Variants in PIEZO1 observed in about 807,000 individuals in gnomAD.
PIEZO1 encodes piezo-type mechanosensitive ion channel component 1.
In PIEZO1, 296 loss-of-function variants were observed where a neutral mutation model predicts 297.2. The ratio of observed to expected loss-of-function variants is 1.00; its 90% CI spans 0.91 to 1.10. PIEZO1 has a LOEUF of 1.10. Ranked by LOEUF, PIEZO1 falls within the 50% of genes least tolerant of loss-of-function variation. The probability of loss-of-function intolerance (pLI) is 0.00; values close to 1 mark genes in which losing one functional copy is unlikely to be tolerated. For synonymous variants in PIEZO1, 2,427 were observed against 1,507.5 expected, an observed-to-expected ratio of 1.61 and a Z score of -14.13; for missense variants, 5,018 against 3,455.5, an observed-to-expected ratio of 1.45 and a Z score of -11.34.
Position 88,715,535 on chromosome 16 carries a change from G to A in PIEZO1, c.*70C>T. ...GGGGCAGTGGCTCCCCCGGCCTGAG[G>A]AGTGCCGCCCCTTGTGGCCACGCTG... On this transcript the variant is annotated 3_prime_UTR_variant, in exon 51 of 51. Transcript: ENST00000301015. 3 of 1,449,974 alleles carry A rather than the reference G, an allele frequency of 2.1e-6. No individual in the cohort carries two copies. The highest frequency in any genetic ancestry group is 1.9e-6 in the Non-Finnish European group (2 of 1,073,288). The allele number at this position is 1,449,974 out of a possible 1,614,324, so 89.8% of individuals were successfully genotyped here. A position where few individuals can be genotyped will look rare whatever the true frequency, so the allele number is the denominator to read the frequency against.
chr16:88,721,666 C>G lies in PIEZO1; in HGVS notation c.5275G>C (p.Val1759Leu). 1 of 1,550,006 alleles carries G rather than the reference C, an allele frequency of 6.5e-7. No homozygotes were observed. The highest frequency in any genetic ancestry group is 8.7e-7 in the Non-Finnish European group (1 of 1,146,826). ...FGFFPWNSHV[V>L]LRRYENKPYF... ...GGCTTGTTCTCGTAGCGCCGCAGCA[C>G]CACGTGGCTGTTCCAGGGGAAGAAC... is the stretch of plus-strand genomic sequence containing the variant. Residue 1759 changes from valine to leucine, a missense_variant, in exon 38 of 51, where the codon GTG (valine) becomes CTG (leucine). By Grantham distance (32) the Val-to-Leu change is conservative. Transcript: ENST00000301015.
At chr16:88,732,931 G>A (rs1904964326) in intron 19 of PIEZO1, 199 bp from the exon 20 acceptor site, 4 of 602,296 alleles carry the variant, frequency 6.6e-6, no homozygotes, top group Non-Finnish European at 1.2e-5. Context: ...GCAGGGGCTG[G>A]GGGAGTGAAG....
intron 15 of PIEZO1, 50 bp downstream of exon 15, chr16:88,734,600 A>G: frequency 8.2e-7 from 1 of 1,225,182 alleles, no homozygotes; most frequent in Non-Finnish European, 1.2e-6. Flanking sequence ...GCCCCGGGGA[A>G]GTGCACGGGG....
chr16:88,772,336 G>C (rs1212207421), intron 1 of PIEZO1, among the ~76,000 whole-genome samples: 1 of 152,222 alleles, frequency 6.6e-6, no homozygotes, highest in Non-Finnish European at 1.5e-5. Context: ...GGCTCTTGTG[G>C]CTTAGCCACC....
rs963593374 is a variant in PIEZO1 at position 88,784,994 on chromosome 16, C to G, written c.-30G>C. 5 of 1,222,970 alleles carry G rather than the reference C, an allele frequency of 4.1e-6. No homozygotes were observed. The African/African-American group carries it at 7.9e-5, about 19-fold the overall frequency. The allele number at this position is 1,222,970 out of a possible 1,614,324, so 75.8% of individuals were successfully genotyped here. ...GGAGGGCCCAGGGCCCGGCCCAGACCGAGCGGACGCCGCGGCGCTATGGGG... is the reference window on the plus strand; with the variant it reads ...GGAGGGCCCAGGGCCCGGCCCAGACGGAGCGGACGCCGCGGCGCTATGGGG... On this transcript the variant is annotated 5_prime_UTR_variant, in exon 1 of 51. Coordinates refer to ENST00000301015, the MANE Select transcript of PIEZO1 (RefSeq NM_001142864.4).
intron 22 of PIEZO1, among the ~76,000 whole-genome samples, chr16:88,730,264 T>C (rs995219995): frequency 1.3e-5 from 2 of 152,100 alleles, no homozygotes; most frequent in Admixed American, 1.3e-4. Flanking sequence ...TGGGCCTGGG[T>C]AGCAGAAGAT....
Position 88,720,267 on chromosome 16 carries a change from G to C in PIEZO1, c.5966C>G (p.Thr1989Arg). 6.4e-7 allele frequency: 1 copy of C among 1,550,450 alleles called. No homozygotes were observed. The highest frequency in any genetic ancestry group is 8.7e-7 in the Non-Finnish European group (1 of 1,146,972). Residue 1989 changes from threonine (T) to arginine (R), a missense_variant, in exon 42 of 51, where the codon ACA becomes AGA. Transcript: ENST00000301015. Reference sequence around the variant, plus strand: ...GTCTGATAGGGAGGACGTGATGTCTGTGGCCGCCGAGTGCTTCTGTGGCCA... The same window carrying C: ...GTCTGATAGGGAGGACGTGATGTCTCTGGCCGCCGAGTGCTTCTGTGGCCA... ...FWAFGKHSAA[T>R]DITSSLSDDQ...
At chr16:88,747,863 A>AC (rs886462918) in intron 2 of PIEZO1, among the ~76,000 whole-genome samples, 2 of 151,954 alleles carry the variant, frequency 1.3e-5, no homozygotes, top group African/African-American at 4.8e-5. Flanking sequence ...TCCTGACCCC[A>AC]CCCCACCGGC....
At chr16:88,757,714 C>A (rs1409046064) in intron 1 of PIEZO1, among the ~76,000 whole-genome samples, 1 of 152,128 alleles carries the variant, frequency 6.6e-6, no homozygotes, top group African/African-American at 2.4e-5. Flanking sequence ...CGGGCCGGAG[C>A]TGGGCCAGCT....
intron 1 of PIEZO1, among the ~76,000 whole-genome samples, chr16:88,764,764 A>G (rs983222058): frequency 1.3e-5 from 2 of 151,272 alleles, no homozygotes; most frequent in Non-Finnish European, 3.0e-5. Flanking sequence ...AAAAAAAAAA[A>G]AAAGAAAGAA....
At chr16:88,741,967 T>C (rs976803476) in intron 4 of PIEZO1, 86 bp downstream of exon 4, 208 of 1,425,556 alleles carry the variant, frequency 1.5e-4, no homozygotes, top group Non-Finnish European at 1.9e-4. Context: ...CAGGTCCCCC[T>C]CTGTCCCTCC....
chr16:88,755,329 C>G (rs1463134095), intron 1 of PIEZO1, among the ~76,000 whole-genome samples: 1 of 152,212 alleles, frequency 6.6e-6, no homozygotes, highest in Non-Finnish European at 1.5e-5. Flanking sequence ...CTGGTTGATG[C>G]ATCATCTTCC....
chr16:88,736,791 C>CA lies in PIEZO1; in HGVS notation c.1196-53dup, dbSNP rs1479091605. ...CGGCAGGTTGATCTGCAGGCCTCCCCACCCTGACTATGCCCTAAAATCTGG... is the reference window on the plus strand; with the variant it reads ...CGGCAGGTTGATCTGCAGGCCTCCCCAACCCTGACTATGCCCTAAAATCTGG... On this transcript the variant is annotated intron_variant, in intron 10 of 50. Coordinates refer to ENST00000301015, the MANE Select transcript of PIEZO1 (RefSeq NM_001142864.4). 10 of 1,129,534 alleles carry CA rather than the reference C, an allele frequency of 8.9e-6. No individual in the cohort carries two copies. The East Asian group carries it at 2.6e-4, about 30-fold the overall frequency. 70.0% of individuals were successfully genotyped at this position (1,129,534 alleles called of 1,614,324 possible). A position where few individuals can be genotyped will look rare whatever the true frequency, so the allele number is the denominator to read the frequency against.
intron 1 of PIEZO1, among the ~76,000 whole-genome samples, chr16:88,752,891 T>C (rs1008811410): frequency 6.6e-6 from 1 of 150,666 alleles, no homozygotes; most frequent in African/African-American, 2.4e-5. Flanking sequence ...CATTCATCCA[T>C]TCATCCATTC....
rs937435008 is a variant in PIEZO1 at position 88,720,276 on chromosome 16, G to A, written c.5957C>T (p.Ser1986Leu). 2.3e-5 allele frequency: 36 copies of A among 1,550,330 alleles called. No homozygotes were observed. The highest frequency in any genetic ancestry group is 1.7e-4 in the Middle Eastern group (1 of 5,992). ...GGAGGACGTGATGTCTGTGGCCGCC[G>A]AGTGCTTCTGTGGCCAGGAGAGCAC... ...IFGFWAFGKH[S>L]AATDITSSLS... is the part of the protein sequence containing the mutation. The change falls in exon 42 of 51, where the codon TCG becomes TTG. Residue 1986 changes from serine (S) to leucine (L), a missense_variant. By Grantham distance (145) the Ser-to-Leu change is moderately radical. Transcript: ENST00000301015.
intron 1 of PIEZO1, among the ~76,000 whole-genome samples, chr16:88,750,262 G>A (rs1373065369): frequency 6.6e-6 from 1 of 151,834 alleles, no homozygotes; most frequent in Non-Finnish European, 1.5e-5. Flanking sequence ...CTTGAACCCG[G>A]GAGGTGGAGG....
rs1306448206 is a variant in PIEZO1, at chr16:88,785,137, C to G, written c.-173G>C. 5.9e-6 allele frequency: 2 copies of G among 340,448 alleles called. No individual in the cohort carries two copies. Among genetic ancestry groups the G allele is most frequent in the Admixed American group, 1.0e-4 (2 of 19,162 alleles). The allele number at this position is 340,448 out of a possible 1,614,324, so 21.1% of individuals were successfully genotyped here. Reference sequence around the variant, plus strand: ...CGCCGGTGCCGACGTCCCGGGCCCGCGCTCGCTCAGGCGACCGCCCTGCCC... The same window carrying G: ...CGCCGGTGCCGACGTCCCGGGCCCGGGCTCGCTCAGGCGACCGCCCTGCCC... On this transcript the variant is annotated 5_prime_UTR_variant, in exon 1 of 51. Transcript: ENST00000301015.
At chr16:88,741,205 A>G (rs983373341) in intron 5 of PIEZO1, 3 of 342,502 alleles carry the variant, frequency 8.8e-6, no homozygotes, top group African/African-American at 4.3e-5. Context: ...GCCCCAAATA[A>G]TTCCCCTGTG....
intron 1 of PIEZO1, among the ~76,000 whole-genome samples, chr16:88,774,269 T>C (rs1907557506): frequency 6.6e-6 from 1 of 152,228 alleles, no homozygotes; most frequent in South Asian, 2.1e-4. Context: ...TACATGCCTG[T>C]AATCCCAGCT....
Sources: gnomAD v4.1 joint callset for allele counts (sites outside exome capture counted in the v4.1 genomes callset) on GRCh38, gnomAD v4.1.1 for gene constraint, MANE v1.5 for transcripts, NCBI Gene and HGNC (gene_info 2026-07-23, HGNC 2026-07-21) for gene names.